Variants in HMCN1 observed in about 807,000 individuals in gnomAD.
The protein encoded by HMCN1 is hemicentin 1.
A neutral mutation model predicts 625.9 loss-of-function variants in HMCN1; 321 were observed. That is an observed-to-expected ratio of 0.51 (90% CI 0.47 to 0.56). The LOEUF (loss-of-function observed/expected upper bound fraction) is 0.56. HMCN1 is among the 20% of genes least tolerant of loss of function. The pLI is 0.00. For synonymous variants in HMCN1, 2,425 were observed against 2,417.6 expected, an observed-to-expected ratio of 1.00 and a Z score of -0.09; for missense variants, 6,588 against 6,887.3, an observed-to-expected ratio of 0.96 and a Z score of 1.54.
At chr1:186,149,558 T>A (rs936781315) in intron 93 of HMCN1, among the ~76,000 whole-genome samples, 11 of 152,216 alleles carry the variant, frequency 7.2e-5, no homozygotes, top group Admixed American at 2.0e-4. Context: ...AAAAATAAGG[T>A]TGTTTCACTT....
intron 4 of HMCN1, among the ~76,000 whole-genome samples, chr1:185,896,480 A>G (rs1371735585): frequency 1.3e-5 from 2 of 152,238 alleles, no homozygotes; most frequent in African/African-American, 4.8e-5. Flanking sequence ...ATTTGCAGGT[A>G]GTACAATAAT....
chr1:185,795,931 G>T (rs564694967), intron 1 of HMCN1, among the ~76,000 whole-genome samples: 1 of 152,302 alleles, frequency 6.6e-6, no homozygotes, highest in African/African-American at 2.4e-5. Context: ...GCCTGCTATA[G>T]CTATGCTACC....
rs561484510 is a variant in HMCN1, at chr1:185,769,919, T to C, written c.268+34872T>C. Among the ~76,000 whole-genome samples, 23 of 152,228 alleles carry C rather than the reference T, an allele frequency of 1.5e-4. No individual in the cohort carries two copies. The South Asian group carries it at 4.8e-3, about 32-fold the overall frequency. The stretch of plus-strand genomic sequence containing the variant: ...AGGGAAGTGTGAAAACCCTCTTAAG[T>C]CTATTCTTGGAACTGGCATACCATC... On this transcript the variant is annotated intron_variant, in intron 1 of 106. Coordinates refer to ENST00000271588, the MANE Select transcript of HMCN1 (RefSeq NM_031935.3).
intron 1 of HMCN1, among the ~76,000 whole-genome samples, chr1:185,808,981 A>C (rs1659343080): frequency 6.6e-6 from 1 of 152,064 alleles, no homozygotes; most frequent in Admixed American, 6.6e-5. Context: ...TACTTTACCC[A>C]CCCTCCTTTG....
At chr1:186,119,071 A>G in intron 77 of HMCN1, 120 bp from the exon 78 acceptor site, 1 of 745,840 alleles carries the variant, frequency 1.3e-6, no homozygotes, top group Non-Finnish European at 2.4e-6. Context: ...GGATACAAGT[A>G]TGAATATAAG....
At chr1:185,901,023 A>T (rs1305809378) in intron 4 of HMCN1, among the ~76,000 whole-genome samples, 1 of 151,916 alleles carries the variant, frequency 6.6e-6, no homozygotes, top group Non-Finnish European at 1.5e-5. Context: ...AGCCTCAACC[A>T]GCACTTCTAT....
chr1:185,780,895 A>G (rs7532431), intron 1 of HMCN1, among the ~76,000 whole-genome samples: 7,629 of 152,058 alleles, frequency 0.05, 588 homozygotes, highest in African/African-American at 0.17. Flanking sequence ...CTCTTTTTCT[A>G]TTGATTGGAA....
At chr1:185,858,469 CCAGGCTGGAGTG>C (rs1662615504) in intron 2 of HMCN1, among the ~76,000 whole-genome samples, 1 of 151,216 alleles carries the variant, frequency 6.6e-6, no homozygotes, top group South Asian at 2.1e-4. Flanking sequence ...ACTCTGTAGC[CCAGGCTGGAGTG>C]CAGTGGCATA....
In HMCN1 at chr1:185,937,882, A is replaced by AAGT. The variant is rs1400680277; in HGVS notation, c.1828+4059_1828+4060insGTA. 7.0e-5 allele frequency among the ~76,000 whole-genome samples: 10 copies of AAGT among 142,636 alleles called. No homozygotes were observed. The East Asian group carries it at 2.0e-3, about 29-fold the overall frequency. The allele number at this position is 142,636 out of a possible 152,430, so 93.6% of individuals were successfully genotyped here. On this transcript the variant is annotated intron_variant, in intron 11 of 106. Coordinates refer to ENST00000271588, the MANE Select transcript of HMCN1 (RefSeq NM_031935.3). ...GGCAACAGAGCGAGACTCCATCTCA[A>AAGT]AATAATAATAATAATAATAATAATA...
rs550646963 is a variant in HMCN1, at chr1:186,162,929, C to G, written c.15257-2182C>G. On this transcript the variant is annotated intron_variant, in intron 97 of 106. Coordinates refer to ENST00000271588, the MANE Select transcript of HMCN1 (RefSeq NM_031935.3). ...GCTGCGTGCTGGGAGAACCACTGCT[C>G]TCTTCAAAGCTGTCAGACAGGGACA... Among the ~76,000 whole-genome samples, 9 of 152,330 alleles carry G rather than the reference C, an allele frequency of 5.9e-5. No homozygotes were observed. In the South Asian group the frequency reaches 1.0e-3, roughly 18 times the overall value.
At chr1:185,922,594 A>C (rs1013243738) in intron 7 of HMCN1, 95 bp downstream of exon 7, 2 of 1,199,090 alleles carry the variant, frequency 1.7e-6, no homozygotes, top group Non-Finnish European at 2.4e-6. Context: ...TGTAGTATTC[A>C]ATAAAATTGA....
chr1:185,809,207 G>A (rs1659360463), intron 1 of HMCN1, among the ~76,000 whole-genome samples: 1 of 152,060 alleles, frequency 6.6e-6, no homozygotes, highest in East Asian at 1.9e-4. Flanking sequence ...GACGGGGCTG[G>A]AGACTAAGGT....
intron 11 of HMCN1, among the ~76,000 whole-genome samples, chr1:185,959,775 T>C (rs1363207834): frequency 1.3e-5 from 2 of 151,822 alleles, no homozygotes; most frequent in South Asian, 2.1e-4. Context: ...ACATTAGTAC[T>C]ATTTTTTTTT....
At chr1:186,138,295 G>C in intron 89 of HMCN1, among the ~76,000 whole-genome samples, 1 of 152,146 alleles carries the variant, frequency 6.6e-6, no homozygotes, top group Non-Finnish European at 1.5e-5. Context: ...CCATTTCGAG[G>C]TGAGAAAAAT....
chr1:186,125,537 T>C, intron 81 of HMCN1, 67 bp from the exon 82 acceptor site: 7 of 1,267,472 alleles, frequency 5.5e-6, no homozygotes, highest in Non-Finnish European at 5.8e-6. Context: ...ATGTGTTAAT[T>C]TTTATTGTGA....
chr1:185,994,950 A>G lies in HMCN1; in HGVS notation c.3641A>G (p.Asp1214Gly), dbSNP rs536503258. ...AAAGGTGGAAGCACTATGCTGGTTG[A>G]TGGAGAGCACCATGTTAGCAATCCA... ...WSKGGSTMLV[D>G]GEHHVSNPDG... The change falls in exon 24 of 107, where the codon GAT becomes GGT. Residue 1214 changes from aspartate (D) to glycine (G), a missense_variant. Physicochemically the swap from Asp to Gly is moderately conservative, Grantham distance 94. Coordinates refer to ENST00000271588, the MANE Select transcript of HMCN1 (RefSeq NM_031935.3). 24 of 1,613,918 alleles carry G rather than the reference A, an allele frequency of 1.5e-5. No individual in the cohort carries two copies. The African/African-American group carries it at 3.1e-4, about 21-fold the overall frequency.
At position 186,088,296 on chromosome 1, in the gene HMCN1, TTGTG is replaced by T. The variant is rs140371542; in HGVS notation, c.9577+32_9577+35del. 25 of 1,611,546 alleles carry T rather than the reference TTGTG, an allele frequency of 1.6e-5. No individual in the cohort carries two copies. In the South Asian group the frequency reaches 2.7e-4, roughly 18 times the overall value. ...GCATAGGTAAGGCAACCATGCATTTTTGTGTGTGTGTGTGTTTTTTTCTCTTGCT... is the reference window on the plus strand; with the variant it reads ...GCATAGGTAAGGCAACCATGCATTTTTGTGTGTGTGTTTTTTTCTCTTGCT... On this transcript the variant is annotated intron_variant, in intron 62 of 106. Coordinates refer to ENST00000271588, the MANE Select transcript of HMCN1 (RefSeq NM_031935.3).
chr1:185,997,029 G>A (rs1385375868), intron 24 of HMCN1, among the ~76,000 whole-genome samples: 1 of 152,084 alleles, frequency 6.6e-6, no homozygotes, highest in East Asian at 1.9e-4. Context: ...GGAATAGCCT[G>A]GTAAGAGGAA....
rs1652337170 is a variant in HMCN1, at chr1:185,990,351, A to C, written c.3285A>C (p.Glu1095Asp). Reference sequence around the variant, plus strand: ...TTGAGATCTCCGTCCTTGCAGGGGAAGAGGTAACACTTCCATGTGAAGTGA... The same window carrying C: ...TTGAGATCTCCGTCCTTGCAGGGGACGAGGTAACACTTCCATGTGAAGTGA... ...KPVEISVLAG[E>D]EVTLPCEVKS... is the part of the protein sequence containing the mutation. Residue 1095 changes from glutamate (E) to aspartate (D), a missense_variant, in exon 22 of 107, where the codon GAA (glutamate) becomes GAC (aspartate). Around this residue, in one of 3 missense-constraint regions of HMCN1, gnomAD observed 4,628 missense variants for 4,853.1 expected, o/e 0.95. Transcript: ENST00000271588. 6.2e-7 allele frequency: 1 copy of C among 1,613,848 alleles called. No homozygotes were observed. Among genetic ancestry groups the C allele is most frequent in the African/African-American group, 1.3e-5 (1 of 75,050 alleles).
Sources: gnomAD v4.1 joint callset for allele counts (sites outside exome capture counted in the v4.1 genomes callset) on GRCh38, gnomAD v4.1.1 for gene constraint, gnomAD v4.1.1 regional missense constraint, MANE v1.5 for transcripts, NCBI Gene and HGNC (gene_info 2026-07-23, HGNC 2026-07-21) for gene names.